The following KCNG3 variants were observed in gnomAD, a reference collection of about 807,000 sequenced individuals.
KCNG3 encodes voltage-gated potassium channel regulatory subunit KCNG3.
A neutral mutation model predicts 29.0 loss-of-function variants in KCNG3; 15 were observed. That is an observed-to-expected ratio of 0.52 (90% confidence interval 0.35 to 0.80). The LOEUF is 0.80. KCNG3 is among the 30% of genes least tolerant of loss of function. KCNG3 has a pLI of 0.01. For synonymous variants in KCNG3, 322 were observed against 248.9 expected, an observed-to-expected ratio of 1.29 and a Z score of -2.76; for missense variants, 512 against 605.7, an observed-to-expected ratio of 0.85 and a Z score of 1.62.
chr2:42,409,731 T>TAAAAAAAAAAAAAAAAAA, the KCNG3 span, among the ~76,000 whole-genome samples: 1 of 77,030 alleles, frequency 1.3e-5, no homozygotes, highest in African/African-American at 4.2e-5. Flanking sequence ...AAAAAAAAAT[T>TAAAAAAAAAAAAAAAAAA]TTTTTTTAAA....
At chr2:42,483,804 C>T (rs767565748) in intron 1 of KCNG3, among the ~76,000 whole-genome samples, 2 of 152,090 alleles carry the variant, frequency 1.3e-5, no homozygotes, top group Non-Finnish European at 2.9e-5. Flanking sequence ...TTCTTTCTTT[C>T]TTTTCGAGAC....
At chr2:42,487,660 A>T (rs562043303) in intron 1 of KCNG3, among the ~76,000 whole-genome samples, 42 of 152,276 alleles carry the variant, frequency 2.8e-4, no homozygotes, top group African/African-American at 9.4e-4. Context: ...TTGCTGGTGG[A>T]AGCATAAATT....
chr2:42,427,075 G>T, the KCNG3 span, among the ~76,000 whole-genome samples: 1 of 152,084 alleles, frequency 6.6e-6, no homozygotes, highest in Non-Finnish European at 1.5e-5. Context: ...CTCAATTCTA[G>T]AAAAAATAAC....
chr2:42,435,938 G>A, the KCNG3 span, among the ~76,000 whole-genome samples: 1 of 152,186 alleles, frequency 6.6e-6, no homozygotes, highest in Non-Finnish European at 1.5e-5. Flanking sequence ...ATTTGTACAT[G>A]AATGTCATAG....
chr2:42,487,681 A>G (rs2103739694), intron 1 of KCNG3, among the ~76,000 whole-genome samples: 1 of 152,332 alleles, frequency 6.6e-6, no homozygotes, highest in Non-Finnish European at 1.5e-5. Context: ...GATACAGTAC[A>G]ATCTTTTTGG....
the KCNG3 span, among the ~76,000 whole-genome samples, chr2:42,432,153 A>T: frequency 1.3e-5 from 2 of 152,160 alleles, no homozygotes. Flanking sequence ...GTTGATGGTC[A>T]TCTCTGTATA....
chr2:42,461,182 C>CAAAAAAAAA (rs34199989), intron 1 of KCNG3, among the ~76,000 whole-genome samples: 36 of 56,398 alleles, frequency 6.4e-4, no homozygotes, highest in African/African-American at 1.8e-3. Flanking sequence ...CAAAACAAAA[C>CAAAAAAAAA]AAAAAAAAAA....
the KCNG3 span, among the ~76,000 whole-genome samples, chr2:42,413,418 T>C: frequency 6.6e-6 from 1 of 152,196 alleles, no homozygotes; most frequent in Non-Finnish European, 1.5e-5. Context: ...TGTTTTTTTC[T>C]ATTTACTGTT....
chr2:42,473,829 T>C (rs955630879), intron 1 of KCNG3, among the ~76,000 whole-genome samples: 4 of 152,214 alleles, frequency 2.6e-5, no homozygotes, highest in Admixed American at 6.5e-5. Context: ...GCATTTGCTG[T>C]AATGACTTAG....
chr2:42,454,913 T>C (rs967026465), intron 1 of KCNG3, among the ~76,000 whole-genome samples: 3 of 152,120 alleles, frequency 2.0e-5, no homozygotes, highest in African/African-American at 4.8e-5. Context: ...AGTTGTTTGA[T>C]GGGTACAGGG....
chr2:42,413,397 A>T, the KCNG3 span, among the ~76,000 whole-genome samples: 1 of 152,132 alleles, frequency 6.6e-6, no homozygotes, highest in African/African-American at 2.4e-5. Context: ...CTGGATATAG[A>T]TTGGCCATCT....
At chr2:42,477,681 C>T (rs1259819192) in intron 1 of KCNG3, among the ~76,000 whole-genome samples, 3 of 151,908 alleles carry the variant, frequency 2.0e-5, no homozygotes, top group Admixed American at 6.6e-5. Context: ...GAGTTCGAGA[C>T]TAGCCTGGCC....
At chr2:42,477,422 C>CACAGACACAT (rs11280811) in intron 1 of KCNG3, among the ~76,000 whole-genome samples, 29 of 40,790 alleles carry the variant, frequency 7.1e-4, no homozygotes, top group African/African-American at 1.8e-3. Context: ...CACACACACA[C>CACAGACACAT]ATATATTTTT....
intron 1 of KCNG3, among the ~76,000 whole-genome samples, chr2:42,480,584 G>C (rs1466039925): frequency 6.6e-6 from 1 of 151,852 alleles, no homozygotes; most frequent in East Asian, 1.9e-4. Flanking sequence ...CTTTATTTAT[G>C]GACACTAAAA....
the KCNG3 span, among the ~76,000 whole-genome samples, chr2:42,409,729 ATT>A: frequency 0.012 from 878 of 76,298 alleles, 23 homozygotes; most frequent in African/African-American, 0.035. Flanking sequence ...AAAAAAAAAA[ATT>A]TTTTTTTAAA....
chr2:42,428,315 C>G, the KCNG3 span, among the ~76,000 whole-genome samples: 2 of 151,518 alleles, frequency 1.3e-5, no homozygotes, highest in African/African-American at 2.4e-5. Flanking sequence ...CAAAAATTAG[C>G]CAGACAATAG....
downstream of KCNG3, among the ~76,000 whole-genome samples, chr2:42,437,939 C>CA (rs58250880): frequency 0.027 from 2,017 of 74,406 alleles, 24 homozygotes; most frequent in African/African-American, 0.07. Flanking sequence ...ACTCTGTCTC[C>CA]AAAAAAAAAA....
intron 1 of KCNG3, among the ~76,000 whole-genome samples, chr2:42,454,890 G>C (rs950181015): frequency 1.3e-5 from 2 of 152,110 alleles, no homozygotes; most frequent in Non-Finnish European, 1.5e-5. Context: ...GCTGGGAAAA[G>C]GTGAAAGAGA....
the KCNG3 span, among the ~76,000 whole-genome samples, chr2:42,399,686 G>A: frequency 6.6e-6 from 1 of 152,008 alleles, no homozygotes; most frequent in African/African-American, 2.4e-5. Context: ...AGAAATTTCT[G>A]AAGAGATTTT....
Sources: allele counts gnomAD v4.1 joint callset (sites outside exome capture counted in the v4.1 genomes callset), GRCh38; gene constraint gnomAD v4.1.1; transcripts MANE v1.5; gene names NCBI Gene and HGNC (gene_info 2026-07-23, HGNC 2026-07-21).